Variants in ANKRD30A observed in about 807,000 individuals in gnomAD.
The protein encoded by ANKRD30A is ankyrin repeat domain-containing protein 30A.
ANKRD30A carries 170 observed loss-of-function variants against 166.3 expected under a neutral mutation model. The ratio of observed to expected loss-of-function variants is 1.02; its 90% CI spans 0.90 to 1.16. The LOEUF is 1.16. ANKRD30A is among the 50% of genes most tolerant of loss of function. The probability of loss-of-function intolerance (pLI) is 0.00; values close to 1 mark genes in which losing one functional copy is unlikely to be tolerated. For synonymous variants in ANKRD30A, 564 were observed against 508.9 expected (o/e 1.11, Z -1.46); for missense variants, 1,630 against 1,518.0 (o/e 1.07, Z -1.23).
the ANKRD30A span, among the ~76,000 whole-genome samples, chr10:37,245,532 A>G: frequency 5.9e-5 from 9 of 151,980 alleles, no homozygotes; most frequent in Non-Finnish European, 1.2e-4. Flanking sequence ...CTATGTAGAT[A>G]GTGGGTTTTT....
the ANKRD30A span, among the ~76,000 whole-genome samples, chr10:37,258,962 C>CAAAAAAA: frequency 2.0e-4 from 9 of 45,516 alleles, no homozygotes; most frequent in African/African-American, 3.3e-4. Context: ...GACTCCATCT[C>CAAAAAAA]AAAAAAAAAA....
At chr10:37,155,851 G>A (rs753196995) in intron 13 of ANKRD30A, among the ~76,000 whole-genome samples, 6 of 152,154 alleles carry the variant, frequency 3.9e-5, no homozygotes, top group African/African-American at 1.2e-4. Context: ...GGAGGGCGAC[G>A]CGGGCGGATC....
At chr10:37,201,026 G>A (rs778152309) in intron 30 of ANKRD30A, among the ~76,000 whole-genome samples, 4 of 151,930 alleles carry the variant, frequency 2.6e-5, no homozygotes, top group Admixed American at 2.0e-4. Flanking sequence ...CGAGTTAATG[G>A]CCACATGGAC....
At chr10:37,152,247 C>G in intron 12 of ANKRD30A, 126 bp downstream of exon 12, 1 of 776,178 alleles carries the variant, frequency 1.3e-6, no homozygotes, top group Non-Finnish European at 2.0e-6. Context: ...TGATATTTTT[C>G]AGAATATGCT....
the ANKRD30A span, among the ~76,000 whole-genome samples, chr10:37,252,922 C>A: frequency 9.2e-5 from 14 of 152,068 alleles, no homozygotes; most frequent in African/African-American, 3.4e-4. Flanking sequence ...ACACATTGTC[C>A]TTTTAGACAA....
chr10:37,250,332 G>A, the ANKRD30A span, among the ~76,000 whole-genome samples: 2 of 152,048 alleles, frequency 1.3e-5, no homozygotes, highest in Non-Finnish European at 2.9e-5. Flanking sequence ...GAGGTGTGGG[G>A]AAGGATTCAG....
chr10:37,257,347 CAGCTCCT>C, the ANKRD30A span, among the ~76,000 whole-genome samples: 1 of 146,254 alleles, frequency 6.8e-6, no homozygotes, highest in East Asian at 2.0e-4. Context: ...AAAAAAAAAA[CAGCTCCT>C]GGATTCATTG....
downstream of ANKRD30A, among the ~76,000 whole-genome samples, chr10:37,236,799 C>T (rs1843693612): frequency 6.6e-6 from 1 of 152,154 alleles, no homozygotes; most frequent in African/African-American, 2.4e-5. Flanking sequence ...ATGGATAATT[C>T]ATTTATTAAT....
At chr10:37,200,575 A>C (rs950464185) in intron 30 of ANKRD30A, among the ~76,000 whole-genome samples, 2 of 152,096 alleles carry the variant, frequency 1.3e-5, no homozygotes, top group Non-Finnish European at 2.9e-5. Context: ...CTGATTTGTA[A>C]TTGGACAAAA....
chr10:37,157,703 C>A (rs1838493402), intron 13 of ANKRD30A, among the ~76,000 whole-genome samples: 1 of 152,016 alleles, frequency 6.6e-6, no homozygotes, highest in African/African-American at 2.4e-5. Context: ...TACGCTTGGA[C>A]CTTTTTGTAT....
chr10:37,200,290 A>G (rs1588909348), intron 30 of ANKRD30A, among the ~76,000 whole-genome samples: 4 of 152,190 alleles, frequency 2.6e-5, no homozygotes, highest in East Asian at 3.9e-4. Flanking sequence ...CAGCAGAAAG[A>G]AAAGCATGAG....
At chr10:37,162,061 G>A (rs1386439798) in intron 15 of ANKRD30A, among the ~76,000 whole-genome samples, 1 of 152,004 alleles carries the variant, frequency 6.6e-6, no homozygotes, top group Admixed American at 6.6e-5. Flanking sequence ...ACATCTTCTT[G>A]CATGAGTGGA....
chr10:37,201,576 A>T (rs1039522084), intron 31 of ANKRD30A, among the ~76,000 whole-genome samples: 2 of 152,078 alleles, frequency 1.3e-5, no homozygotes, highest in African/African-American at 4.8e-5. Context: ...ATGAGAAAAT[A>T]AGAAAGAAGA....
chr10:37,152,519 C>A (rs1838030489), intron 12 of ANKRD30A, among the ~76,000 whole-genome samples: 2 of 152,052 alleles, frequency 1.3e-5, no homozygotes, highest in Admixed American at 6.6e-5. Context: ...TTTTAAACTG[C>A]AGTATTGTAA....
chr10:37,147,344 T>C, intron 8 of ANKRD30A, 26 bp from the exon 9 acceptor site: 1 of 1,484,360 alleles, frequency 6.7e-7, no homozygotes. Context: ...AAAACTGAAA[T>C]TATCTATTGA....
downstream of ANKRD30A, among the ~76,000 whole-genome samples, chr10:37,235,682 A>C (rs183378296): frequency 3.3e-5 from 5 of 152,076 alleles, no homozygotes; most frequent in East Asian, 9.7e-4. Flanking sequence ...GCCTGTCACT[A>C]AGTTATTGTT....
downstream of ANKRD30A, chr10:37,232,697 T>TAGAGAGAGAGAGAGAGAGAGAGAGAGAG (rs5784546): frequency 1.3e-5 from 1 of 78,398 alleles, no homozygotes; most frequent in African/African-American, 4.9e-5. Flanking sequence ...TATATATAAA[T>TAGAGAGAGAGAGAGAGAGAGAGAGAGAG]AGAGAGAGAG....
Position 37,220,912 on chromosome 10 carries a change from T to C in ANKRD30A, c.4185+1015T>C, listed in dbSNP as rs376761170. 3.3e-5 allele frequency among the ~76,000 whole-genome samples: 5 copies of C among 151,348 alleles called. No individual in the cohort carries two copies. In the East Asian group the frequency reaches 9.8e-4, roughly 30 times the overall value. On this transcript the variant is annotated intron_variant, in intron 34 of 35. Coordinates refer to ENST00000361713, the MANE Select transcript of ANKRD30A (RefSeq NM_052997.3). ...AAATAAAAATACTTTTATTCTGAGATAGAAATCTATTGGAAAAATTTCAGC... is the reference window on the plus strand; with the variant it reads ...AAATAAAAATACTTTTATTCTGAGACAGAAATCTATTGGAAAAATTTCAGC...
chr10:37,178,011 A>G (rs1258486522), intron 24 of ANKRD30A, among the ~76,000 whole-genome samples: 2 of 150,876 alleles, frequency 1.3e-5, no homozygotes, highest in Non-Finnish European at 3.0e-5. Context: ...AAAATAAGAA[A>G]GAAGAAAGTA....
Sources: gnomAD v4.1 joint callset for allele counts (sites outside exome capture counted in the v4.1 genomes callset) on GRCh38, gnomAD v4.1.1 for gene constraint, MANE v1.5 for transcripts, NCBI Gene and HGNC (gene_info 2026-07-23, HGNC 2026-07-21) for gene names.